The following HYCC2 variants were observed in gnomAD, a reference collection of about 807,000 sequenced individuals.
HYCC2 encodes the protein hyccin PI4KA lipid kinase complex subunit 2.
At chr2:200,985,965 C>T in the HYCC2 span, among the ~76,000 whole-genome samples, 5 of 152,166 alleles carry the variant, frequency 3.3e-5, no homozygotes, top group African/African-American at 1.2e-4. Flanking sequence ...ATAAATACTT[C>T]CAATATTCTA....
the HYCC2 span, among the ~76,000 whole-genome samples, chr2:200,994,829 C>G: frequency 6.6e-6 from 1 of 151,826 alleles, no homozygotes; most frequent in African/African-American, 2.4e-5. Flanking sequence ...GGTGAGACCC[C>G]ATCTCTATAA....
the HYCC2 span, chr2:200,996,649 T>C: frequency 6.6e-6 from 1 of 152,140 alleles, no homozygotes; most frequent in Non-Finnish European, 1.5e-5. Context: ...TATTAGAAAT[T>C]ATGATTTAGT....
At chr2:200,981,252 T>C in the HYCC2 span, 1 of 1,607,956 alleles carries the variant, frequency 6.2e-7, no homozygotes, top group Admixed American at 1.7e-5. The surrounding 1 kb of genome is among the most constrained non-coding windows in gnomAD (Gnocchi z 4.5). Context: ...AGCAGAAAGA[T>C]GAGGGAGGAT....
chr2:201,029,928 TA>T, the HYCC2 span, among the ~76,000 whole-genome samples: 6 of 151,110 alleles, frequency 4.0e-5, no homozygotes, highest in East Asian at 3.9e-4. Flanking sequence ...TTAAAGCATA[TA>T]AAAAAAAATT....
chr2:200,992,782 T>C, the HYCC2 span: 3 of 766,070 alleles, frequency 3.9e-6, no homozygotes, highest in Non-Finnish European at 6.5e-6. Context: ...AAGCCCATCA[T>C]GGAACAAAAG....
the HYCC2 span, among the ~76,000 whole-genome samples, chr2:201,035,416 C>T: frequency 3.3e-5 from 5 of 152,276 alleles, no homozygotes; most frequent in Admixed American, 2.6e-4. Flanking sequence ...CTTGTGCATT[C>T]GTCACGTCGT....
At chr2:201,022,688 A>G in the HYCC2 span, 1 of 519,154 alleles carries the variant, frequency 1.9e-6, no homozygotes, top group African/African-American at 2.0e-5. Context: ...AGGGAAAGCC[A>G]AAGCAACTAT....
the HYCC2 span, chr2:200,981,116 C>T: frequency 1.2e-6 from 1 of 853,040 alleles, no homozygotes; most frequent in Non-Finnish European, 1.8e-6. The surrounding 1 kb of genome is among the most constrained non-coding windows in gnomAD (Gnocchi z 4.5). Context: ...AACCTTATTG[C>T]TGTTTTGATA....
At chr2:200,986,902 T>C in the HYCC2 span, among the ~76,000 whole-genome samples, 4 of 152,332 alleles carry the variant, frequency 2.6e-5, no homozygotes, top group South Asian at 8.3e-4. Flanking sequence ...TCCACTTCAA[T>C]GTCTTAATGA....
the HYCC2 span, among the ~76,000 whole-genome samples, chr2:201,062,139 T>C: frequency 6.6e-6 from 1 of 152,070 alleles, no homozygotes; most frequent in Non-Finnish European, 1.5e-5. Context: ...GCACATATTG[T>C]AATATTATGG....
chr2:201,025,786 T>C, the HYCC2 span, among the ~76,000 whole-genome samples: 1 of 152,092 alleles, frequency 6.6e-6, no homozygotes, highest in Non-Finnish European at 1.5e-5. Context: ...AGGCCAGGCA[T>C]GGTGGTTCAC....
At chr2:201,017,290 C>A in the HYCC2 span, 1 of 765,618 alleles carries the variant, frequency 1.3e-6, no homozygotes, top group Non-Finnish European at 2.0e-6. Context: ...TTAATTTCTC[C>A]ACATTTTAAT....
chr2:201,053,605 G>A, the HYCC2 span, among the ~76,000 whole-genome samples: 395 of 152,260 alleles, frequency 2.6e-3, 1 homozygote, highest in Non-Finnish European at 3.2e-3. Context: ...ACAAATGTGT[G>A]AGTGAAGCCA....
the HYCC2 span, among the ~76,000 whole-genome samples, chr2:201,033,777 A>C: frequency 6.6e-6 from 1 of 151,316 alleles, no homozygotes; most frequent in Non-Finnish European, 1.5e-5. Context: ...GGGCTCAAGC[A>C]CTCTTCCCAT....
At chr2:200,992,138 A>AT in the HYCC2 span, 5 of 580,450 alleles carry the variant, frequency 8.6e-6, no homozygotes, top group East Asian at 1.5e-4. Context: ...ACCTAAACCT[A>AT]TTTTGTTTTT....
At chr2:201,042,943 G>T in the HYCC2 span, among the ~76,000 whole-genome samples, 1 of 152,192 alleles carries the variant, frequency 6.6e-6, no homozygotes, top group East Asian at 1.9e-4. Context: ...GTACCCAACA[G>T]CTCATTGAGA....
chr2:201,037,575 A>G, the HYCC2 span, among the ~76,000 whole-genome samples: 8 of 152,356 alleles, frequency 5.3e-5, no homozygotes, highest in African/African-American at 1.7e-4. Context: ...CAGAGCCCTC[A>G]GAAATAATGC....
chr2:200,994,677 A>G, the HYCC2 span, among the ~76,000 whole-genome samples: 1 of 152,172 alleles, frequency 6.6e-6, no homozygotes, highest in Non-Finnish European at 1.5e-5. Context: ...TTTGAGGACC[A>G]CTAAACTCCG....
At chr2:201,021,290 G>A in the HYCC2 span, among the ~76,000 whole-genome samples, 373 of 152,182 alleles carry the variant, frequency 2.5e-3, 3 homozygotes, top group African/African-American at 8.7e-3. Context: ...TAACCTGACA[G>A]GAGACAGGAG....
Sources: allele counts gnomAD v4.1 joint callset (sites outside exome capture counted in the v4.1 genomes callset), GRCh38; gene constraint gnomAD v4.1.1; non-coding constraint Gnocchi (gnomAD v3.1); transcripts MANE v1.5; gene names NCBI Gene and HGNC (gene_info 2026-07-23, HGNC 2026-07-21).